The following TMCC2 variants were observed in gnomAD, a reference collection of about 807,000 sequenced individuals.
The protein encoded by TMCC2 is transmembrane and coiled-coil domain family 2.
In TMCC2, 16 loss-of-function variants were observed where a neutral mutation model predicts 49.4. That is an observed-to-expected ratio of 0.32 (90% confidence interval 0.22 to 0.49). TMCC2 has a LOEUF of 0.49. Ranked by LOEUF, TMCC2 falls within the 20% of genes least tolerant of loss-of-function variation. The pLI is 0.99. For synonymous variants in TMCC2, 397 were observed against 434.1 expected, an observed-to-expected ratio of 0.91 and a Z score of 1.06; for missense variants, 762 against 989.8, an observed-to-expected ratio of 0.77 and a Z score of 3.09.
At chr1:205,246,688 A>T (rs762709698) in intron 2 of TMCC2, 2 of 1,549,710 alleles carry the variant, frequency 1.3e-6, no homozygotes, top group South Asian at 1.2e-5. Flanking sequence ...CCCACCTCTC[A>T]TGGGTGAGTC....
chr1:205,262,255 T>G (rs1005083447), intron 2 of TMCC2, among the ~76,000 whole-genome samples: 1 of 152,068 alleles, frequency 6.6e-6, no homozygotes, highest in African/African-American at 2.4e-5. Context: ...ATCCCAGGCA[T>G]TGTAAACCTC....
rs745951886 is a variant in TMCC2, at chr1:205,241,953, G to A, written c.656G>A (p.Arg219His). The A allele has an allele frequency of 6.2e-6, 10 of 1,611,482 alleles. No individual in the cohort carries two copies. The highest frequency in any genetic ancestry group is 8.5e-6 in the Non-Finnish European group (10 of 1,179,876). The change falls in exon 2 of 5, where the codon CGC becomes CAC. Residue 219 changes from arginine (R) to histidine (H), a missense_variant. Arg to His is a conservative substitution (Grantham distance 29, BLOSUM62 0). Coordinates refer to ENST00000358024, the MANE Select transcript of TMCC2 (RefSeq NM_014858.4). This position sits in a 1 kb window ranked among gnomAD's most constrained non-coding sequence, Gnocchi z 7.3. ...AILHQHQCRP[R>H]SSSTTDTALL... ...CTGCACCAGCACCAGTGCCGTCCCC[G>A]CTCTTCCTCCACCACCGACACTGCT...
chr1:205,248,706 C>T (rs1660550851), intron 2 of TMCC2, among the ~76,000 whole-genome samples: 1 of 152,020 alleles, frequency 6.6e-6, no homozygotes, highest in African/African-American at 2.4e-5. Context: ...GGTCCCCACC[C>T]TCTTCTCCCT....
intron 1 of TMCC2, chr1:205,236,386 T>C (rs1335536310): frequency 6.6e-6 from 1 of 152,234 alleles, no homozygotes; most frequent in Admixed American, 6.5e-5. Context: ...TTGAAATCTT[T>C]GTGAAAGGTT....
rs1186270953 is a variant in TMCC2, at chr1:205,264,322, G to GT, written c.748-4622dup. 6.6e-6 allele frequency among the ~76,000 whole-genome samples: 1 copy of GT among 152,196 alleles called. No individual in the cohort carries two copies. Among genetic ancestry groups the GT allele is most frequent in the Admixed American group, 6.5e-5 (1 of 15,286 alleles). On this transcript the variant is annotated intron_variant, in intron 2 of 4. Coordinates refer to ENST00000358024, the MANE Select transcript of TMCC2 (RefSeq NM_014858.4). This position sits in a 1 kb window ranked among gnomAD's most constrained non-coding sequence, Gnocchi z 4.2. Reference sequence around the variant, plus strand: ...GTGACACTGTTGTTTCTTGTTTTTTGTTTTTTGTTTTTGTTTTTGAGACGG... The same window carrying GT: ...GTGACACTGTTGTTTCTTGTTTTTTGTTTTTTTGTTTTTGTTTTTGAGACGG...
At position 205,228,789 on chromosome 1, in the gene TMCC2, C is replaced by T; in HGVS notation, c.207+18C>T. On this transcript the variant is annotated intron_variant, in intron 1 of 4. Coordinates refer to ENST00000358024, the MANE Select transcript of TMCC2 (RefSeq NM_014858.4). ...ATTTAAAGGTGAGCGCAGACCATCC[C>T]CCCGGCAAGCCCAGCCCGCGACTTA... 6.4e-7 allele frequency: 1 copy of T among 1,570,900 alleles called. No homozygotes were observed.
chr1:205,246,539 C>A, intron 2 of TMCC2: 1 of 1,533,792 alleles, frequency 6.5e-7, no homozygotes, highest in South Asian at 1.2e-5. Context: ...GAAGTCTGTT[C>A]TCAGAGTGAG....
intron 2 of TMCC2, among the ~76,000 whole-genome samples, chr1:205,263,084 G>A (rs528936046): frequency 1.3e-5 from 2 of 152,066 alleles, no homozygotes; most frequent in South Asian, 2.1e-4. Flanking sequence ...ACCGCCTCCC[G>A]CAACACACAC....
rs756410476 is a variant in TMCC2 at position 205,269,695 on chromosome 1, G to T, written c.1493G>T (p.Gly498Val). The change falls in exon 3 of 5, where the codon GGT becomes GTT. Residue 498 changes from glycine (G) to valine (V), a missense_variant. Physicochemically the swap from Gly to Val is moderately radical, Grantham distance 109. This residue lies in a region of TMCC2 where 440 missense variants were observed against 636.7 expected (regional missense o/e 0.69). Coordinates refer to ENST00000358024, the MANE Select transcript of TMCC2 (RefSeq NM_014858.4). The part of the protein sequence containing the change: ...GAGSNSGAGP[G>V]GALGSPKSNA... The stretch of plus-strand genomic sequence containing the variant: ...GGCAGCAACTCTGGGGCTGGGCCTG[G>T]TGGGGCGCTGGGGAGCCCTAAGTCC... 2 of 1,614,082 alleles carry T rather than the reference G, an allele frequency of 1.2e-6. No homozygotes were observed. The highest frequency in any genetic ancestry group is 1.7e-5 in the Admixed American group (1 of 60,034).
chr1:205,246,109 A>G (rs1319032823), intron 2 of TMCC2, among the ~76,000 whole-genome samples: 1 of 151,724 alleles, frequency 6.6e-6, no homozygotes, highest in Non-Finnish European at 1.5e-5. Context: ...GGTGGGGCGG[A>G]GTACCTGTAT....
chr1:205,266,318 C>T (rs186763092), intron 2 of TMCC2, among the ~76,000 whole-genome samples: 4 of 144,864 alleles, frequency 2.8e-5, no homozygotes, highest in East Asian at 2.1e-4. Flanking sequence ...GGGCCGGGCG[C>T]GGTGACTCAT....
intron 2 of TMCC2, among the ~76,000 whole-genome samples, chr1:205,267,334 T>C (rs1361355437): frequency 2.0e-5 from 3 of 152,220 alleles, no homozygotes; most frequent in African/African-American, 7.2e-5. Context: ...AAGTGACTTA[T>C]GCCTGTAATT....
intron 2 of TMCC2, among the ~76,000 whole-genome samples, chr1:205,258,252 A>G (rs1339200144): frequency 1.3e-5 from 2 of 152,066 alleles, no homozygotes; most frequent in Non-Finnish European, 2.9e-5. Flanking sequence ...TTTGCACCTG[A>G]AATCCCCTTG....
At chr1:205,231,800 C>T (rs1045992692) in intron 1 of TMCC2, among the ~76,000 whole-genome samples, 1 of 152,150 alleles carries the variant, frequency 6.6e-6, no homozygotes, top group Non-Finnish European at 1.5e-5. Flanking sequence ...ATAAGCAGTT[C>T]TGGTTTGCTT....
At chr1:205,230,974 C>A (rs1659768816) in intron 1 of TMCC2, among the ~76,000 whole-genome samples, 1 of 66,486 alleles carries the variant, frequency 1.5e-5, no homozygotes. Flanking sequence ...TTACCCCGCG[C>A]CCCCATCCAC....
At chr1:205,263,108 C>A (rs1263310492) in intron 2 of TMCC2, among the ~76,000 whole-genome samples, 1 of 152,086 alleles carries the variant, frequency 6.6e-6, no homozygotes. Context: ...CCTCTTCTCT[C>A]TCTTGTTCTG....
intron 2 of TMCC2, among the ~76,000 whole-genome samples, chr1:205,266,436 C>T (rs1661334503): frequency 6.7e-6 from 1 of 148,956 alleles, no homozygotes; most frequent in Non-Finnish European, 1.5e-5. Flanking sequence ...ACTAAAAATA[C>T]AAAAAAATTA....
In TMCC2 at chr1:205,269,441, C is replaced by CT; in HGVS notation, c.1240dup (p.Ser414PhefsTer27). ...GCGTCAAGGGCAGCCTCTCTGGCCT[C>CT]TCACAGGCCACCCACACCGCCGTGG... On this transcript the variant is annotated frameshift_variant, in exon 3 of 5. Transcript: ENST00000358024. LOFTEE classifies it high-confidence loss of function. The CT allele has an allele frequency of 6.2e-7, 1 of 1,606,308 alleles. No homozygotes were observed. Among genetic ancestry groups the CT allele is most frequent in the Non-Finnish European group, 8.5e-7 (1 of 1,174,676 alleles).
chr1:205,239,749 T>C (rs1660193977), intron 1 of TMCC2, among the ~76,000 whole-genome samples: 1 of 152,226 alleles, frequency 6.6e-6, no homozygotes, highest in Non-Finnish European at 1.5e-5. Flanking sequence ...TTAAGGATTC[T>C]GGGGATACTC....
Sources: allele counts gnomAD v4.1 joint callset (sites outside exome capture counted in the v4.1 genomes callset), GRCh38; gene constraint gnomAD v4.1.1; regional missense constraint gnomAD v4.1.1; non-coding constraint Gnocchi (gnomAD v3.1); transcripts MANE v1.5; gene names NCBI Gene and HGNC (gene_info 2026-07-23, HGNC 2026-07-21).